GRIA3: variants seen among roughly 807,000 people sequenced by gnomAD.
The protein encoded by GRIA3 is glutamate ionotropic receptor AMPA type subunit 3, also known as glutamate receptor 3.
A neutral mutation model predicts 63.0 loss-of-function variants in GRIA3; 3 were observed. The observed-to-expected ratio is 0.05, with a 90% CI of 0.02 to 0.12. GRIA3 has a LOEUF of 0.12. GRIA3 is among the 10% of genes least tolerant of loss of function. The probability of loss-of-function intolerance (pLI) is 1.00; values close to 1 mark genes in which losing one functional copy is unlikely to be tolerated. For missense variants in GRIA3, 347 were observed against 700.9 expected (o/e 0.50, Z 5.70); for synonymous variants, 274 against 257.9 (o/e 1.06, Z -0.60).
In GRIA3 at chrX:123,363,927, T is replaced by C. The variant is rs183718367; in HGVS notation, c.750+8964T>C. On this transcript the variant is annotated intron_variant, in intron 5 of 15. Coordinates refer to ENST00000620443, the MANE Select transcript of GRIA3 (RefSeq NM_007325.5). ...GAAAGCAGAATTTCAATTCACCCTA[T>C]CTATGAGCAGTAGGATTGCTTCCAA... 1.9e-3 allele frequency among the ~76,000 whole-genome samples: 218 copies of C among 111,914 alleles called. 1 individual carries two copies. The highest frequency in any genetic ancestry group is 3.4e-3 in the Non-Finnish European group (178 of 53,112).
chrX:123,296,816 C>G (rs1170751201), intron 3 of GRIA3, among the ~76,000 whole-genome samples: 2 of 111,131 alleles, frequency 1.8e-5, no homozygotes, highest in East Asian at 5.7e-4. Context: ...TTATATTGTT[C>G]ACAGTAACTG....
chrX:123,454,977 A>T (rs1463963082), intron 12 of GRIA3, among the ~76,000 whole-genome samples: 2 of 111,872 alleles, frequency 1.8e-5, no homozygotes, highest in Non-Finnish European at 3.8e-5. Flanking sequence ...TGGAAAGGAG[A>T]CATCAGAAAT....
At chrX:123,405,552 G>A (rs1454180377) in intron 10 of GRIA3, among the ~76,000 whole-genome samples, 2 of 111,424 alleles carry the variant, frequency 1.8e-5, no homozygotes, top group African/African-American at 3.3e-5. Context: ...TACCTCTCTA[G>A]CTTCATCCTG....
chrX:123,264,780 G>A (rs1200917980), intron 3 of GRIA3, among the ~76,000 whole-genome samples: 1 of 111,738 alleles, frequency 8.9e-6, no homozygotes, highest in Non-Finnish European at 1.9e-5. Context: ...TGGAGAAGAG[G>A]GCTCAGAGGA....
intron 2 of GRIA3, among the ~76,000 whole-genome samples, chrX:123,248,975 C>A (rs1272592095): frequency 9.0e-6 from 1 of 111,703 alleles, no homozygotes; most frequent in Non-Finnish European, 1.9e-5. Flanking sequence ...TCATGGGAAA[C>A]CCCTGGTAGA....
chrX:123,463,427 G>A (rs959029453), intron 12 of GRIA3, among the ~76,000 whole-genome samples: 10 of 105,596 alleles, frequency 9.5e-5, no homozygotes, highest in African/African-American at 3.5e-5. Context: ...GTGCACACTT[G>A]TAGTCCCAGG....
intron 3 of GRIA3, among the ~76,000 whole-genome samples, chrX:123,293,327 T>G (rs1460799810): frequency 2.7e-5 from 3 of 111,827 alleles, no homozygotes; most frequent in African/African-American, 9.7e-5. Context: ...GCACCCAGTA[T>G]AGTGTCTTAC....
At chrX:123,250,825 A>T (rs2044385091) in intron 2 of GRIA3, among the ~76,000 whole-genome samples, 1 of 112,413 alleles carries the variant, frequency 8.9e-6, no homozygotes, top group Non-Finnish European at 1.9e-5. Context: ...TTTGAGGCAT[A>T]CTTATACTAA....
At chrX:123,194,006 C>T (rs1043485106) in intron 2 of GRIA3, among the ~76,000 whole-genome samples, 2 of 111,278 alleles carry the variant, frequency 1.8e-5, no homozygotes, top group Non-Finnish European at 3.8e-5. Context: ...TATTTTTCAA[C>T]ATTTGACCTT....
chrX:123,276,701 T>C (rs1303524296), intron 3 of GRIA3, among the ~76,000 whole-genome samples: 2 of 111,528 alleles, frequency 1.8e-5, no homozygotes, highest in African/African-American at 6.5e-5. Flanking sequence ...TTAGTGCTCA[T>C]AGCCTTAGTC....
chrX:123,233,083 T>A (rs2044284053), intron 2 of GRIA3, among the ~76,000 whole-genome samples: 1 of 108,581 alleles, frequency 9.2e-6, no homozygotes, highest in Admixed American at 9.9e-5. Context: ...TTTGGTGGAG[T>A]TGGAGTCCAA....
intron 5 of GRIA3, among the ~76,000 whole-genome samples, chrX:123,366,963 G>A (rs2045214528): frequency 8.9e-6 from 1 of 111,903 alleles, no homozygotes; most frequent in Non-Finnish European, 1.9e-5. Flanking sequence ...AGGTATTTGT[G>A]TGGTAAATGT....
intron 12 of GRIA3, among the ~76,000 whole-genome samples, chrX:123,448,300 G>A (rs73541978): frequency 0.038 from 4,289 of 111,627 alleles, 197 homozygotes; most frequent in African/African-American, 0.13. Context: ...AGGCTTCCAT[G>A]AGCACAGGCT....
At chrX:123,194,866 A>G (rs1395674274) in intron 2 of GRIA3, among the ~76,000 whole-genome samples, 1 of 112,448 alleles carries the variant, frequency 8.9e-6, no homozygotes, top group Non-Finnish European at 1.9e-5. Flanking sequence ...TATGTAACTG[A>G]GGTGCTATTG....
chrX:123,409,841 G>A (rs2147388340), intron 10 of GRIA3, among the ~76,000 whole-genome samples: 1 of 111,571 alleles, frequency 9.0e-6, no homozygotes, highest in South Asian at 3.8e-4. Context: ...AGCAGTGGCA[G>A]CAGGATTGGA....
chrX:123,469,913 C>T (rs1200718356), intron 13 of GRIA3, among the ~76,000 whole-genome samples: 2 of 112,100 alleles, frequency 1.8e-5, no homozygotes, highest in African/African-American at 6.5e-5. Flanking sequence ...ACCAGCTTCG[C>T]TTTCCCATCT....
intron 2 of GRIA3, among the ~76,000 whole-genome samples, chrX:123,192,344 G>T (rs1927459757): frequency 9.0e-6 from 1 of 111,417 alleles, no homozygotes; most frequent in African/African-American, 3.3e-5. Flanking sequence ...GATAAGGGTG[G>T]GAGAGAAGCT....
Position 123,326,183 on chromosome X carries a change from A to G in GRIA3, c.666A>G (p.Glu222=). Reference sequence around the variant, plus strand: ...AAAAGCGATACTTGATTGACTGCGAAGTCGAAAGGATTAACACAATTTTGG... The same window carrying G: ...AAAAGCGATACTTGATTGACTGCGAGGTCGAAAGGATTAACACAATTTTGG... ...RQEKRYLIDC[E]VERINTILEQ... The change falls in exon 4 of 16, where the codon GAA becomes GAG. Residue 222 remains glutamate (E), a synonymous_variant. Transcript: ENST00000620443. 1.7e-6 allele frequency: 2 copies of G among 1,209,704 alleles called. No homozygotes were observed. Among genetic ancestry groups the G allele is most frequent in the Non-Finnish European group, 2.2e-6 (2 of 893,731 alleles).
intron 3 of GRIA3, among the ~76,000 whole-genome samples, chrX:123,320,398 A>T (rs1034365712): frequency 8.9e-6 from 1 of 112,165 alleles, no homozygotes; most frequent in Non-Finnish European, 1.9e-5. Context: ...CGCTGAAAGG[A>T]TAACATGTTA....
Sources: allele counts gnomAD v4.1 joint callset (sites outside exome capture counted in the v4.1 genomes callset), GRCh38; gene constraint gnomAD v4.1.1; transcripts MANE v1.5; gene names NCBI Gene and HGNC (gene_info 2026-07-23, HGNC 2026-07-21).